TXK: variants seen among roughly 807,000 people sequenced by gnomAD.
The protein encoded by TXK is TXK tyrosine kinase, also known as tyrosine-protein kinase TXK.
In TXK, 60 loss-of-function variants were observed where a neutral mutation model predicts 81.0. The observed-to-expected ratio is 0.74, with a 90% CI of 0.60 to 0.92. TXK has a LOEUF of 0.92. Ranked by LOEUF, TXK falls within the 40% of genes least tolerant of loss-of-function variation. TXK has a pLI of 0.00. For synonymous variants in TXK, 203 were observed against 210.7 expected (o/e 0.96, Z 0.32); for missense variants, 581 against 638.3 (o/e 0.91, Z 0.97).
chr4:48,115,099 G>A (rs1481132125), intron 1 of TXK, among the ~76,000 whole-genome samples: 1 of 151,694 alleles, frequency 6.6e-6, no homozygotes, highest in Non-Finnish European at 1.5e-5. Context: ...TTGTTACATA[G>A]ATATATATGT....
At chr4:48,070,893 CTTTTTTTTTT>C (rs11309334) in intron 14 of TXK, among the ~76,000 whole-genome samples, 1 of 84,336 alleles carries the variant, frequency 1.2e-5, no homozygotes, top group African/African-American at 5.2e-5. Flanking sequence ...TCATTTAATT[CTTTTTTTTTT>C]TTTTTTTTTT....
chr4:48,097,868 CT>C (rs1389094922), intron 6 of TXK, among the ~76,000 whole-genome samples: 1 of 151,410 alleles, frequency 6.6e-6, no homozygotes, highest in Non-Finnish European at 1.5e-5. Flanking sequence ...CTGCCTCAGC[CT>C]CCCGAGTAGC....
At chr4:48,100,434 A>T (rs1027764723) in intron 6 of TXK, among the ~76,000 whole-genome samples, 2 of 152,202 alleles carry the variant, frequency 1.3e-5, no homozygotes, top group Non-Finnish European at 2.9e-5. Context: ...CAGACATATA[A>T]AATTTAGCAT....
rs754843791 is a variant in TXK at position 48,086,550 on chromosome 4, C to T, written c.872G>A (p.Arg291Gln). ...CTTGATAGCTACCTGGATATGTGACCGCCATTCACCTAAATGGACCACTCC... is the reference window on the plus strand; with the variant it reads ...CTTGATAGCTACCTGGATATGTGACTGCCATTCACCTAAATGGACCACTCC... ...QFGVVHLGEWRSHIQVAIKAI... is the reference protein window; with the variant it reads ...QFGVVHLGEWQSHIQVAIKAI... Residue 291 changes from arginine (R) to glutamine (Q), a missense_variant, in exon 10 of 15, where the codon CGG (arginine) becomes CAG (glutamine). By Grantham distance (43) the Arg-to-Gln change is conservative. Transcript: ENST00000264316. The T allele has an allele frequency of 8.1e-6, 13 of 1,613,818 alleles. No homozygotes were observed. The East Asian group carries it at 8.9e-5, about 11-fold the overall frequency.
intron 1 of TXK, among the ~76,000 whole-genome samples, chr4:48,127,230 G>A (rs2109486743): frequency 6.6e-6 from 1 of 152,294 alleles, no homozygotes; most frequent in South Asian, 2.1e-4. Context: ...CAGCTCCCTG[G>A]TGTTCCCTTG....
chr4:48,084,978 G>A (rs1560344799), intron 10 of TXK, among the ~76,000 whole-genome samples: 1 of 152,066 alleles, frequency 6.6e-6, no homozygotes, highest in Non-Finnish European at 1.5e-5. Context: ...GTCTGCAAGT[G>A]CGGGTCAGAA....
At chr4:48,071,430 AG>A in intron 14 of TXK, 86 bp downstream of exon 14, 2 of 1,340,054 alleles carry the variant, frequency 1.5e-6, no homozygotes, top group Non-Finnish European at 2.1e-6. Flanking sequence ...CTGCCATGAC[AG>A]AGTTCTGAAG....
chr4:48,114,809 A>G (rs1718749347), intron 1 of TXK, among the ~76,000 whole-genome samples: 1 of 152,346 alleles, frequency 6.6e-6, no homozygotes, highest in East Asian at 1.9e-4. Flanking sequence ...TGAAATGTTT[A>G]AAACATAGGC....
At chr4:48,123,914 G>C (rs1167770633) in intron 1 of TXK, among the ~76,000 whole-genome samples, 1 of 152,064 alleles carries the variant, frequency 6.6e-6, no homozygotes, top group African/African-American at 2.4e-5. Context: ...TCTTCTGTTT[G>C]CTCTGTTCTC....
chr4:48,129,937 A>C (rs926417898), intron 1 of TXK, among the ~76,000 whole-genome samples: 1 of 152,214 alleles, frequency 6.6e-6, no homozygotes, highest in African/African-American at 2.4e-5. Context: ...CGTGGCTGGC[A>C]CTGGGCCAGA....
At chr4:48,083,923 G>A (rs1439497757) in intron 10 of TXK, among the ~76,000 whole-genome samples, 2 of 152,198 alleles carry the variant, frequency 1.3e-5, no homozygotes, top group African/African-American at 2.4e-5. Context: ...GAGACCTCCT[G>A]AAAGAGGTAA....
In TXK at chr4:48,118,767, T is replaced by C. The variant is rs78753430; in HGVS notation, c.17-4365A>G. ...AATGACAATTTGATTAATTGATAAC[T>C]GAGTTATTTCTCCAGCAGAGGGTAT... On this transcript the variant is annotated intron_variant, in intron 1 of 14. Coordinates refer to ENST00000264316, the MANE Select transcript of TXK (RefSeq NM_003328.3). Among the ~76,000 whole-genome samples the C allele has an allele frequency of 5.2e-3, 790 of 152,302 alleles. 4 individuals carry two copies. Among genetic ancestry groups the C allele is most frequent in the African/African-American group, 0.019 (770 of 41,558 alleles).
At chr4:48,080,543 C>A (rs1367309389) in intron 10 of TXK, among the ~76,000 whole-genome samples, 1 of 151,784 alleles carries the variant, frequency 6.6e-6, no homozygotes, top group East Asian at 1.9e-4. Context: ...GAAAGAGTGA[C>A]TAAAAGAGAA....
intron 13 of TXK, 79 bp from the exon 14 acceptor site, chr4:48,071,753 A>G: frequency 1.3e-6 from 2 of 1,521,168 alleles, no homozygotes; most frequent in South Asian, 2.5e-5. Flanking sequence ...TTCAAACTAC[A>G]AGGCATTATT....
intron 8 of TXK, among the ~76,000 whole-genome samples, chr4:48,091,267 G>A (rs1270569287): frequency 6.6e-6 from 1 of 152,154 alleles, no homozygotes; most frequent in Non-Finnish European, 1.5e-5. Flanking sequence ...AACTATGAAG[G>A]ACTTTCTAAG....
intron 10 of TXK, among the ~76,000 whole-genome samples, chr4:48,081,100 GAT>G (rs1050151596): frequency 1.3e-5 from 2 of 151,258 alleles, no homozygotes; most frequent in South Asian, 2.1e-4. Flanking sequence ...TTAATTTGGA[GAT>G]ATATATATAT....
At position 48,077,462 on chromosome 4, in the gene TXK, T is replaced by C. The variant is rs574123509; in HGVS notation, c.1174-996A>G. ...GGAAAAGACTCATTGTTCACGGACA[T>C]ATTTTAAGTAGCATATAGGGAGATA... is the stretch of plus-strand genomic sequence containing the variant. On this transcript the variant is annotated intron_variant, in intron 11 of 14. Coordinates refer to ENST00000264316, the MANE Select transcript of TXK (RefSeq NM_003328.3). 2.0e-5 allele frequency among the ~76,000 whole-genome samples: 3 copies of C among 151,880 alleles called. No individual in the cohort carries two copies. In the East Asian group the frequency reaches 5.8e-4, roughly 29 times the overall value.
chr4:48,085,043 C>T (rs1438935760), intron 10 of TXK, among the ~76,000 whole-genome samples: 1 of 152,168 alleles, frequency 6.6e-6, no homozygotes, highest in Non-Finnish European at 1.5e-5. Flanking sequence ...TGGAGTTTTT[C>T]TTCTTCACAG....
At chr4:48,122,926 T>C (rs926743134) in intron 1 of TXK, among the ~76,000 whole-genome samples, 2 of 152,176 alleles carry the variant, frequency 1.3e-5, no homozygotes, top group African/African-American at 4.8e-5. Flanking sequence ...GTCTATGTAG[T>C]AGGGAGGCTT....
Sources: allele counts gnomAD v4.1 joint callset (sites outside exome capture counted in the v4.1 genomes callset), GRCh38; gene constraint gnomAD v4.1.1; transcripts MANE v1.5; gene names NCBI Gene and HGNC (gene_info 2026-07-23, HGNC 2026-07-21).